IPO11: variants seen among roughly 807,000 people sequenced by gnomAD.
IPO11 encodes importin-11.
IPO11 carries 66 observed loss-of-function variants against 143.2 expected under a neutral mutation model. The ratio of observed to expected loss-of-function variants is 0.46; its 90% CI spans 0.38 to 0.57. IPO11 has a LOEUF of 0.57. Ranked by LOEUF, IPO11 falls within the 20% of genes least tolerant of loss-of-function variation. The probability of loss-of-function intolerance (pLI) is 0.00; values close to 1 mark genes in which losing one functional copy is unlikely to be tolerated. For missense variants in IPO11, 1,026 were observed against 1,141.0 expected, an observed-to-expected ratio of 0.90 and a Z score of 1.45; for synonymous variants, 385 against 377.8, an observed-to-expected ratio of 1.02 and a Z score of -0.22.
chr5:62,618,957 T>G (rs977317381), intron 29 of IPO11, among the ~76,000 whole-genome samples: 2 of 152,122 alleles, frequency 1.3e-5, no homozygotes, highest in Non-Finnish European at 2.9e-5. Flanking sequence ...CAGGCCGGGC[T>G]GGGTGGCTTA....
At chr5:62,622,212 T>A (rs1361819000) in intron 29 of IPO11, among the ~76,000 whole-genome samples, 1 of 152,226 alleles carries the variant, frequency 6.6e-6, no homozygotes, top group African/African-American at 2.4e-5. Context: ...TTTTTGGATG[T>A]ATATCACGAT....
intron 9 of IPO11, 66 bp downstream of exon 9, chr5:62,476,819 A>T: frequency 7.2e-7 from 1 of 1,390,108 alleles, no homozygotes; most frequent in Non-Finnish European, 9.6e-7. Context: ...AAGGAAAATG[A>T]TATTTTTATA....
At chr5:62,532,281 A>G (rs1742574713) in intron 22 of IPO11, among the ~76,000 whole-genome samples, 1 of 152,182 alleles carries the variant, frequency 6.6e-6, no homozygotes, top group South Asian at 2.1e-4. Context: ...CTATAACTGT[A>G]TGACACTATT....
rs191199643 is a variant in IPO11 at position 62,462,066 on chromosome 5, A to T, written c.517-5065A>T. ...GGGAAGAATTAATTAATAGATCGAG[A>T]TCTAACTTTGCCATTAATATCTATA... On this transcript the variant is annotated intron_variant, in intron 5 of 29. Coordinates refer to ENST00000325324, the MANE Select transcript of IPO11 (RefSeq NM_016338.5). Among the ~76,000 whole-genome samples the T allele has an allele frequency of 1.2e-3, 181 of 152,306 alleles. 1 individual carries two copies. The highest frequency in any genetic ancestry group is 4.3e-3 in the African/African-American group (179 of 41,562).
At chr5:62,571,562 A>G (rs1393191034) in intron 27 of IPO11, among the ~76,000 whole-genome samples, 1 of 152,244 alleles carries the variant, frequency 6.6e-6, no homozygotes, top group African/African-American at 2.4e-5. Context: ...GTGTGAAGAA[A>G]CTGATAACAA....
intron 1 of IPO11, among the ~76,000 whole-genome samples, chr5:62,435,074 A>ATATATATGTGTATATATGTGTATATGTG (rs1344032263): frequency 9.7e-6 from 1 of 103,248 alleles, no homozygotes; most frequent in African/African-American, 3.8e-5. Context: ...ATATATATGT[A>ATATATATGTGTATATATGTGTATATGTG]TATATATGTG....
intron 1 of IPO11, among the ~76,000 whole-genome samples, chr5:62,435,878 A>G (rs924685816): frequency 6.6e-6 from 1 of 151,824 alleles, no homozygotes; most frequent in Non-Finnish European, 1.5e-5. Context: ...AAAATACAAA[A>G]ATTAGCTGGG....
At chr5:62,580,543 G>C in intron 27 of IPO11, 1 of 1,551,254 alleles carries the variant, frequency 6.4e-7, no homozygotes, top group Non-Finnish European at 8.7e-7. Flanking sequence ...CAAACTTTTG[G>C]GCCTTCGAGA....
Position 62,506,340 on chromosome 5 carries a change from G to A in IPO11, c.1765G>A (p.Glu589Lys), listed in dbSNP as rs765462427. The change falls in exon 19 of 30, where the codon GAA becomes AAA. Residue 589 changes from glutamate (E) to lysine (K), a missense_variant. Glu to Lys is a moderately conservative substitution (Grantham distance 56, BLOSUM62 1). Around this residue, in one of 5 missense-constraint regions of IPO11, gnomAD observed 237 missense variants for 288.0 expected, o/e 0.82. Coordinates refer to ENST00000325324, the MANE Select transcript of IPO11 (RefSeq NM_016338.5). ...TTTGCATGTCCTTTCTTGTGTGATC[G>A]AAAGAGTCAACATGCAGGTAATTAT... The part of the protein sequence containing the change: ...HVLHVLSCVI[E>K]RVNMQIRPYV... The A allele has an allele frequency of 7.6e-6, 12 of 1,587,688 alleles. No homozygotes were observed. Among genetic ancestry groups the A allele is most frequent in the East Asian group, 6.7e-5 (3 of 44,502 alleles).
At chr5:62,598,558 T>C (rs1294694465) in intron 28 of IPO11, among the ~76,000 whole-genome samples, 6 of 31,754 alleles carry the variant, frequency 1.9e-4, no homozygotes, top group African/African-American at 1.7e-3. Context: ...TCTTTCTTTT[T>C]TTTTTTTATG....
At chr5:62,575,562 C>A (rs1744287180) in intron 27 of IPO11, among the ~76,000 whole-genome samples, 1 of 152,040 alleles carries the variant, frequency 6.6e-6, no homozygotes, top group Admixed American at 6.6e-5. Flanking sequence ...TTTTGTCTCC[C>A]ATCCATCCTC....
At chr5:62,603,135 A>G (rs779690198) in intron 29 of IPO11, among the ~76,000 whole-genome samples, 1 of 152,244 alleles carries the variant, frequency 6.6e-6, no homozygotes, top group Non-Finnish European at 1.5e-5. Flanking sequence ...AAGCTCCTAC[A>G]GCATATTTCT....
At chr5:62,544,431 G>T (rs1743080513) in intron 24 of IPO11, among the ~76,000 whole-genome samples, 1 of 152,052 alleles carries the variant, frequency 6.6e-6, no homozygotes, top group Admixed American at 6.5e-5. Context: ...CAATAAATTC[G>T]GTATTGATGG....
intron 27 of IPO11, among the ~76,000 whole-genome samples, chr5:62,586,769 ATATATATAT>A (rs1166894187): frequency 6.3e-5 from 3 of 47,798 alleles, no homozygotes; most frequent in African/African-American, 3.0e-4. Flanking sequence ...AAAAAAAAAA[ATATATATAT>A]ATATATATAT....
At chr5:62,506,929 A>G (rs914140979) in intron 19 of IPO11, among the ~76,000 whole-genome samples, 4 of 152,162 alleles carry the variant, frequency 2.6e-5, no homozygotes, top group African/African-American at 9.6e-5. Flanking sequence ...CACTGAAGCA[A>G]ATCTGTGATT....
chr5:62,525,369 T>TTTTTTTTTTTTTTTTTTG (rs1742335460), intron 20 of IPO11, among the ~76,000 whole-genome samples: 1 of 133,732 alleles, frequency 7.5e-6, no homozygotes. Context: ...TTTTTTTTTT[T>TTTTTTTTTTTTTTTTTTG]GTGTGTGTGT....
chr5:62,560,618 A>G (rs1344446036), intron 26 of IPO11: 1 of 152,232 alleles, frequency 6.6e-6, no homozygotes, highest in Non-Finnish European at 1.5e-5. Flanking sequence ...TATTATGTTG[A>G]TTTGTTTTAG....
intron 28 of IPO11, among the ~76,000 whole-genome samples, chr5:62,599,369 ATTTGATAC>A (rs1156923056): frequency 1.3e-5 from 2 of 152,188 alleles, no homozygotes; most frequent in Non-Finnish European, 2.9e-5. Context: ...AAGCATCCAA[ATTTGATAC>A]CCTGAAGTAG....
intron 16 of IPO11, among the ~76,000 whole-genome samples, chr5:62,503,483 T>C (rs1044637551): frequency 7.3e-5 from 11 of 151,602 alleles, no homozygotes; most frequent in Non-Finnish European, 1.5e-4. Context: ...CCTCCCCAGA[T>C]TGTAAGATCT....
Sources: allele counts gnomAD v4.1 joint callset (sites outside exome capture counted in the v4.1 genomes callset), GRCh38; gene constraint gnomAD v4.1.1; regional missense constraint gnomAD v4.1.1; transcripts MANE v1.5; gene names NCBI Gene and HGNC (gene_info 2026-07-23, HGNC 2026-07-21).